MAML3: variants seen among roughly 807,000 people sequenced by gnomAD.
The protein encoded by MAML3 is mastermind like transcriptional coactivator 3.
MAML3 carries 27 observed loss-of-function variants against 101.9 expected under a neutral mutation model. The ratio of observed to expected loss-of-function variants is 0.27; its 90% CI spans 0.20 to 0.37. The LOEUF is 0.37. Ranked by LOEUF, MAML3 falls within the 10% of genes least tolerant of loss-of-function variation. The pLI is 1.00. For synonymous variants in MAML3, 501 were observed against 555.9 expected, an observed-to-expected ratio of 0.90 and a Z score of 1.39; for missense variants, 1,316 against 1,444.9, an observed-to-expected ratio of 0.91 and a Z score of 1.45.
At chr4:139,926,807 T>C (rs114967087) in intron 1 of MAML3, among the ~76,000 whole-genome samples, 3,025 of 152,290 alleles carry the variant, frequency 0.02, 116 homozygotes, top group African/African-American at 0.068. Context: ...CCTCATACAA[T>C]ACTATTAATT....
chr4:139,936,585 T>C (rs940287058), intron 1 of MAML3, among the ~76,000 whole-genome samples: 4 of 152,176 alleles, frequency 2.6e-5, no homozygotes, highest in Non-Finnish European at 5.9e-5. Flanking sequence ...TAGTTCCACC[T>C]ACTTGGAAGG....
At chr4:139,915,790 C>A (rs1348963513) in intron 1 of MAML3, among the ~76,000 whole-genome samples, 1 of 151,974 alleles carries the variant, frequency 6.6e-6, no homozygotes, top group Admixed American at 6.6e-5. Flanking sequence ...TTATCTTAAG[C>A]AAAATTTTGG....
chr4:139,991,196 A>G (rs1012734694), intron 1 of MAML3, among the ~76,000 whole-genome samples: 72 of 152,336 alleles, frequency 4.7e-4, no homozygotes, highest in Non-Finnish European at 8.2e-4. Flanking sequence ...ACTGGTACCA[A>G]AACAGAGATA....
At chr4:139,820,197 G>C (rs1442692131) in intron 2 of MAML3, among the ~76,000 whole-genome samples, 1 of 152,142 alleles carries the variant, frequency 6.6e-6, no homozygotes, top group East Asian at 1.9e-4. Context: ...AAGCAACTGT[G>C]ACCCGAATGT....
intron 2 of MAML3, among the ~76,000 whole-genome samples, chr4:139,826,601 T>C (rs1287389538): frequency 6.6e-6 from 1 of 152,188 alleles, no homozygotes; most frequent in African/African-American, 2.4e-5. Flanking sequence ...CTCTTCCTGT[T>C]CCCTCAGACA....
At chr4:139,948,125 T>TAAATAAATAAA (rs1256480975) in intron 1 of MAML3, among the ~76,000 whole-genome samples, 1 of 150,378 alleles carries the variant, frequency 6.6e-6, no homozygotes, top group African/African-American at 2.4e-5. Context: ...AATAAATAAA[T>TAAATAAATAAA]AAATAAATAA....
intron 1 of MAML3, among the ~76,000 whole-genome samples, chr4:140,142,392 ATATT>A (rs1728991696): frequency 2.0e-5 from 3 of 152,168 alleles, no homozygotes; most frequent in African/African-American, 7.2e-5. Flanking sequence ...TATTCAACAA[ATATT>A]TAGAGTTCCT....
At chr4:139,921,867 T>A (rs796079160) in intron 1 of MAML3, among the ~76,000 whole-genome samples, 7 of 152,336 alleles carry the variant, frequency 4.6e-5, no homozygotes, top group African/African-American at 1.4e-4. Flanking sequence ...GCTCACTGCA[T>A]GTTAAACACA....
chr4:140,087,587 GT>G (rs1405698674), intron 1 of MAML3, among the ~76,000 whole-genome samples: 1 of 152,178 alleles, frequency 6.6e-6, no homozygotes, highest in East Asian at 1.9e-4. Flanking sequence ...AAGTGAAGAT[GT>G]TTTTCCACAT....
intron 1 of MAML3, among the ~76,000 whole-genome samples, chr4:140,016,757 C>A (rs986961769): frequency 1.4e-4 from 21 of 152,228 alleles, no homozygotes; most frequent in African/African-American, 4.1e-4. Context: ...AAAACAAAAC[C>A]AAACCAAAAA....
At chr4:139,913,238 G>A (rs1732963559) in intron 1 of MAML3, among the ~76,000 whole-genome samples, 1 of 152,192 alleles carries the variant, frequency 6.6e-6, no homozygotes, top group South Asian at 2.1e-4. Flanking sequence ...GCAGAAATAT[G>A]TGGAGTAGAT....
chr4:140,148,641 G>C (rs1217877554), intron 1 of MAML3, among the ~76,000 whole-genome samples: 1 of 152,114 alleles, frequency 6.6e-6, no homozygotes, highest in Admixed American at 6.5e-5. Context: ...AATTGATACA[G>C]AGCCAGTAAT....
intron 1 of MAML3, among the ~76,000 whole-genome samples, chr4:139,983,408 T>C (rs1214778105): frequency 1.3e-5 from 2 of 152,190 alleles, no homozygotes; most frequent in Non-Finnish European, 2.9e-5. Flanking sequence ...AGAGAGGTAA[T>C]AGTCAACAGG....
At chr4:139,734,036 T>C (rs1228065264) in intron 2 of MAML3, among the ~76,000 whole-genome samples, 2 of 152,174 alleles carry the variant, frequency 1.3e-5, no homozygotes, top group African/African-American at 4.8e-5. Flanking sequence ...GAAACATCTT[T>C]AGTTCGCAAC....
chr4:140,002,674 A>G (rs902708394), intron 1 of MAML3, among the ~76,000 whole-genome samples: 1 of 152,210 alleles, frequency 6.6e-6, no homozygotes, highest in Admixed American at 6.5e-5. Flanking sequence ...ACACAGTATC[A>G]TTTATGTGGC....
chr4:139,988,020 CAA>C (rs71593735), intron 1 of MAML3, among the ~76,000 whole-genome samples: 13 of 31,450 alleles, frequency 4.1e-4, no homozygotes, highest in East Asian at 1.3e-3. Flanking sequence ...AACTCCGTCT[CAA>C]AAAAAAAAAA....
intron 2 of MAML3, among the ~76,000 whole-genome samples, chr4:139,763,337 A>G (rs547500234): frequency 6.6e-6 from 1 of 152,304 alleles, no homozygotes; most frequent in East Asian, 1.9e-4. Context: ...GCAAAGCTGA[A>G]GAGGAGTCTG....
intron 1 of MAML3, among the ~76,000 whole-genome samples, chr4:140,096,097 C>A (rs1206073216): frequency 2.0e-5 from 3 of 152,222 alleles, no homozygotes; most frequent in African/African-American, 4.8e-5. Context: ...GCAATCAATA[C>A]CTAAGTATGC....
chr4:139,946,688 T>C (rs910798025), intron 1 of MAML3, among the ~76,000 whole-genome samples: 9 of 152,100 alleles, frequency 5.9e-5, no homozygotes, highest in Admixed American at 1.3e-4. Context: ...CCAGGTGACA[T>C]CCTTGGTTTT....
Sources: allele counts gnomAD v4.1 joint callset (sites outside exome capture counted in the v4.1 genomes callset), GRCh38; gene constraint gnomAD v4.1.1; transcripts MANE v1.5; gene names NCBI Gene and HGNC (gene_info 2026-07-23, HGNC 2026-07-21).